Variants in MRPL33 observed in about 807,000 individuals in gnomAD.
MRPL33 encodes large ribosomal subunit protein bL33m.
In MRPL33, 5 loss-of-function variants were observed where a neutral mutation model predicts 10.1. The observed-to-expected ratio is 0.49, with a 90% confidence interval of 0.26 to 1.04. MRPL33 has a LOEUF of 1.04. MRPL33 is among the 50% of genes least tolerant of loss of function. The pLI is 0.14. For missense variants in MRPL33, 79 were observed against 78.1 expected (o/e 1.01, Z -0.04); for synonymous variants, 24 against 27.7 (o/e 0.87, Z 0.42).
chr2:27,773,135 A>C (rs1227101127), intron 2 of MRPL33, among the ~76,000 whole-genome samples: 1 of 152,196 alleles, frequency 6.6e-6, no homozygotes, highest in Non-Finnish European at 1.5e-5. Flanking sequence ...AATCCTTTGC[A>C]TTCATGGTAT....
chr2:27,778,361 T>G (rs1177374108), intron 3 of MRPL33, among the ~76,000 whole-genome samples: 7 of 152,136 alleles, frequency 4.6e-5, no homozygotes, highest in Admixed American at 4.6e-4. Flanking sequence ...TTGTTTAAGT[T>G]CCTGGATCTT....
chr2:27,772,079 G>A (rs1201279043), intron 1 of MRPL33: 1 of 438,684 alleles, frequency 2.3e-6, no homozygotes, highest in Non-Finnish European at 4.0e-6. Context: ...TCCAGCCCGT[G>A]TTAGGAGAAT....
intron 3 of MRPL33, among the ~76,000 whole-genome samples, chr2:27,778,238 C>T (rs1447246639): frequency 2.0e-5 from 3 of 152,108 alleles, no homozygotes; most frequent in Non-Finnish European, 4.4e-5. Context: ...TAAGCTCATT[C>T]TTAGTCGTAG....
intron 3 of MRPL33, among the ~76,000 whole-genome samples, chr2:27,777,801 C>T (rs1461186907): frequency 1.3e-5 from 2 of 152,176 alleles, no homozygotes; most frequent in African/African-American, 4.8e-5. Flanking sequence ...TACTCCTAGT[C>T]AGGGTCATTT....
chr2:27,778,907 C>CT (rs1340756545), intron 3 of MRPL33, among the ~76,000 whole-genome samples: 3 of 152,122 alleles, frequency 2.0e-5, no homozygotes, highest in Non-Finnish European at 2.9e-5. Context: ...GAACTGTACT[C>CT]TAATATTTAC....
chr2:27,775,101 C>T (rs549987600), intron 3 of MRPL33, among the ~76,000 whole-genome samples: 1 of 152,206 alleles, frequency 6.6e-6, no homozygotes, highest in East Asian at 1.9e-4. Context: ...CCATTTTGTG[C>T]CATCCACTAA....
chr2:27,778,704 A>G (rs919279624), intron 3 of MRPL33, among the ~76,000 whole-genome samples: 5 of 152,102 alleles, frequency 3.3e-5, no homozygotes, highest in South Asian at 4.1e-4. Flanking sequence ...ACAGGCATGC[A>G]CCACCATGCC....
intron 1 of MRPL33, 98 bp from the exon 2 acceptor site, chr2:27,772,575 AT>A: frequency 1.1e-6 from 1 of 916,782 alleles, no homozygotes; most frequent in South Asian, 1.6e-5. Flanking sequence ...TAAGTTAAAT[AT>A]TTTTGGTTAT....
rs562132998 is a variant in MRPL33, at chr2:27,772,636, T to C, written c.23-38T>C. 2.0e-6 allele frequency: 3 copies of C among 1,514,584 alleles called. No homozygotes were observed. The Admixed American group carries it at 5.6e-5, about 28-fold the overall frequency. The allele number at this position is 1,514,584 out of a possible 1,614,324, so 93.8% of individuals were successfully genotyped here. ...ATAAGAAAGAGAATACATTTATATT[T>C]TTATTTTCTTTTCCAACCCTTCCTG... On this transcript the variant is annotated intron_variant, in intron 1 of 3. Transcript: ENST00000296102.
intron 3 of MRPL33, among the ~76,000 whole-genome samples, chr2:27,778,878 G>A (rs77829337): frequency 0.014 from 2,061 of 152,180 alleles, 21 homozygotes; most frequent in South Asian, 0.061. Flanking sequence ...CATCCAGGCC[G>A]GTAGCACTTT....
At chr2:27,777,024 G>A (rs1481362209) in intron 3 of MRPL33, among the ~76,000 whole-genome samples, 1 of 152,162 alleles carries the variant, frequency 6.6e-6, no homozygotes, top group African/African-American at 2.4e-5. Context: ...TCTCACTCAA[G>A]TCCCTGTTCT....
At chr2:27,776,415 T>C (rs191691729) in intron 3 of MRPL33, among the ~76,000 whole-genome samples, 14 of 152,354 alleles carry the variant, frequency 9.2e-5, no homozygotes, top group South Asian at 6.2e-4. Context: ...GATGAGTAAA[T>C]TGTTAAGTTT....
rs1487867539 is a variant in MRPL33, at chr2:27,779,493, G to T, written c.*11G>T. 1.2e-6 allele frequency: 2 copies of T among 1,613,412 alleles called. No individual in the cohort carries two copies. The highest frequency in any genetic ancestry group is 2.7e-5 in the African/African-American group (2 of 74,872). On this transcript the variant is annotated 3_prime_UTR_variant, in exon 4 of 4. Coordinates refer to ENST00000296102, the MANE Select transcript of MRPL33 (RefSeq NM_004891.4). ...ATACGCTCCCTTTAAACGGTGGATT[G>T]AAAATGACTTTGATTTATAAAGAGA...
intron 2 of MRPL33, chr2:27,772,893 C>T: frequency 1.9e-6 from 1 of 535,934 alleles, no homozygotes; most frequent in Non-Finnish European, 3.3e-6. Context: ...TGAGCTACTT[C>T]TGTGAGCATT....
chr2:27,774,350 A>T (rs1365892794), intron 2 of MRPL33, 74 bp from the exon 3 acceptor site: 9 of 1,207,394 alleles, frequency 7.5e-6, no homozygotes, highest in Middle Eastern at 1.9e-4. Flanking sequence ...AGTTCTCAAA[A>T]TGTGCCATCC....
chr2:27,772,889 A>G (rs954432723), intron 2 of MRPL33, 197 bp downstream of exon 2: 10 of 542,040 alleles, frequency 1.8e-5, no homozygotes, highest in Non-Finnish European at 3.2e-5. Context: ...GAACTGAGCT[A>G]CTTCTGTGAG....
rs182132743 is a variant in MRPL33, at chr2:27,772,559, A to C, written c.23-115A>C. The C allele has an allele frequency of 3.3e-3, 2,618 of 791,570 alleles. 11 individuals carry two copies. Among genetic ancestry groups the C allele is most frequent in the Non-Finnish European group, 4.7e-3 (2,358 of 497,758 alleles). 49.0% of individuals were successfully genotyped at this position (791,570 alleles called of 1,614,324 possible). A position where few individuals can be genotyped will look rare whatever the true frequency, so the allele number is the denominator to read the frequency against. On this transcript the variant is annotated intron_variant, in intron 1 of 3. Transcript: ENST00000296102. ...TTACTTGAGTGACACCTCATGGCATATTTCATAAGTTAAATATTTTTGGTT... is the reference window on the plus strand; with the variant it reads ...TTACTTGAGTGACACCTCATGGCATCTTTCATAAGTTAAATATTTTTGGTT...
intron 3 of MRPL33, among the ~76,000 whole-genome samples, chr2:27,777,041 T>A (rs1438828189): frequency 6.6e-6 from 1 of 152,236 alleles, no homozygotes; most frequent in South Asian, 2.1e-4. Flanking sequence ...TTCTTCTATG[T>A]ATTTATTTAT....
At chr2:27,775,350 A>T (rs1049830451) in intron 3 of MRPL33, among the ~76,000 whole-genome samples, 10 of 123,028 alleles carry the variant, frequency 8.1e-5, no homozygotes, top group East Asian at 4.5e-4. Flanking sequence ...TTTATAATTA[A>T]TTTTTTTTTT....
Sources: allele counts gnomAD v4.1 joint callset (sites outside exome capture counted in the v4.1 genomes callset), GRCh38; gene constraint gnomAD v4.1.1; transcripts MANE v1.5; gene names NCBI Gene and HGNC (gene_info 2026-07-23, HGNC 2026-07-21).